UGT1A8: variants seen among roughly 807,000 people sequenced by gnomAD.
UGT1A8 encodes the protein UDP-glucuronosyltransferase 1A8.
UGT1A8 carries 39 observed loss-of-function variants against 45.3 expected under a neutral mutation model. That is an observed-to-expected ratio of 0.86 (90% CI 0.67 to 1.12). UGT1A8 has a LOEUF of 1.12. Among genes scored for constraint, UGT1A8 ranks in the 50% most tolerant of loss-of-function variants. The pLI, the probability that UGT1A8 is intolerant of heterozygous loss-of-function variation, is 0.00. For synonymous variants in UGT1A8, 275 were observed against 249.2 expected, an observed-to-expected ratio of 1.10 and a Z score of -0.97; for missense variants, 719 against 664.9, an observed-to-expected ratio of 1.08 and a Z score of -0.90.
chr2:233,747,103 T>A, intron 1 of UGT1A8: 1 of 1,362,910 alleles, frequency 7.3e-7, no homozygotes, highest in Non-Finnish European at 1.0e-6. Flanking sequence ...TATCTTCCAA[T>A]TACATGATGA....
At chr2:233,767,824 G>A (rs201092075) in intron 2 of UGT1A8, 25 bp from the exon 3 acceptor site, 82 of 1,614,024 alleles carry the variant, frequency 5.1e-5, no homozygotes, top group East Asian at 2.7e-4. Flanking sequence ...CTTTCTTTAC[G>A]TTCTGCTCTT....
At chr2:233,761,005 A>G (rs1292729265) in intron 1 of UGT1A8, 1 of 1,614,128 alleles carries the variant, frequency 6.2e-7, no homozygotes, top group South Asian at 1.1e-5. Context: ...ATTCCTTCAG[A>G]GAGAGGTGAC....
intron 1 of UGT1A8, chr2:233,744,001 A>C (rs2125858946): frequency 2.5e-6 from 3 of 1,207,932 alleles, no homozygotes; most frequent in Admixed American, 2.6e-5. Context: ...GAGTGCTCGG[A>C]GACCTGGGCC....
intron 1 of UGT1A8, among the ~76,000 whole-genome samples, chr2:233,670,313 AAGG>A (rs1470001555): frequency 6.6e-6 from 1 of 152,170 alleles, no homozygotes; most frequent in Non-Finnish European, 1.5e-5. Flanking sequence ...GTGGAGGAAG[AAGG>A]AGGAGAGACA....
intron 1 of UGT1A8, among the ~76,000 whole-genome samples, chr2:233,698,921 G>A (rs959017341): frequency 2.6e-5 from 4 of 152,334 alleles, no homozygotes; most frequent in East Asian, 3.9e-4. Flanking sequence ...GGACGTGGCC[G>A]TCTCAGAGGG....
intron 1 of UGT1A8, among the ~76,000 whole-genome samples, chr2:233,735,302 G>A (rs1400766071): frequency 6.6e-6 from 1 of 151,808 alleles, no homozygotes; most frequent in Non-Finnish European, 1.5e-5. Flanking sequence ...TTTTGTTAAA[G>A]TCTGTTTTAT....
intron 1 of UGT1A8, among the ~76,000 whole-genome samples, chr2:233,670,905 G>T (rs566727432): frequency 6.6e-6 from 1 of 152,282 alleles, no homozygotes; most frequent in South Asian, 2.1e-4. Context: ...TGTTCTTGCC[G>T]AGGCCTTCTT....
intron 1 of UGT1A8, chr2:233,722,130 G>A (rs1389703029): frequency 1.7e-5 from 3 of 173,394 alleles, no homozygotes; most frequent in African/African-American, 7.1e-5. Context: ...CATTAGTAGA[G>A]TTTAAGACTC....
At chr2:233,747,075 A>G in intron 1 of UGT1A8, 1 of 1,060,426 alleles carries the variant, frequency 9.4e-7, no homozygotes. Flanking sequence ...GTAATAATTA[A>G]CTAGGAGGAG....
intron 1 of UGT1A8, among the ~76,000 whole-genome samples, chr2:233,639,871 G>A (rs892890705): frequency 6.6e-6 from 1 of 152,210 alleles, no homozygotes; most frequent in African/African-American, 2.4e-5. Context: ...GATTAGTGAT[G>A]TGTAAATAAT....
In UGT1A8 at chr2:233,707,494, G is replaced by A. The variant is rs114941817; in HGVS notation, c.856-59540G>A. On this transcript the variant is annotated intron_variant, in intron 1 of 4. Coordinates refer to ENST00000373450, the MANE Select transcript of UGT1A8 (RefSeq NM_019076.5). The stretch of plus-strand genomic sequence containing the variant: ...TAATACAGATGATTTTACCTGTTTC[G>A]GTACTTAACATAAATAGAATTTTAC... 7.8e-3 allele frequency among the ~76,000 whole-genome samples: 1,157 copies of A among 148,098 alleles called. 11 individuals are homozygous for A. Among genetic ancestry groups the A allele is most frequent in the African/African-American group, 0.026 (1,051 of 40,534 alleles).
chr2:233,679,102 T>A (rs1253930017), intron 1 of UGT1A8, among the ~76,000 whole-genome samples: 1 of 152,226 alleles, frequency 6.6e-6, no homozygotes, highest in Non-Finnish European at 1.5e-5. Flanking sequence ...CTGTGTGTAA[T>A]GAGTTCTAAA....
chr2:233,643,336 C>T (rs963876545), intron 1 of UGT1A8, among the ~76,000 whole-genome samples: 2 of 152,126 alleles, frequency 1.3e-5, no homozygotes, highest in Admixed American at 1.3e-4. Flanking sequence ...GCCACTGCCA[C>T]CCCTGGCCAT....
intron 1 of UGT1A8, among the ~76,000 whole-genome samples, chr2:233,705,827 C>T (rs757797853): frequency 6.6e-6 from 1 of 152,164 alleles, no homozygotes; most frequent in Non-Finnish European, 1.5e-5. Flanking sequence ...AGGCCGAGCA[C>T]AGTGGCTGGA....
chr2:233,678,294 C>T (rs866342037), intron 1 of UGT1A8, among the ~76,000 whole-genome samples: 82 of 152,234 alleles, frequency 5.4e-4, no homozygotes, highest in African/African-American at 1.8e-3. Context: ...CACATGTACT[C>T]CTGAATCTAA....
intron 1 of UGT1A8, chr2:233,682,575 A>G (rs748487831): frequency 8.7e-6 from 14 of 1,613,882 alleles, no homozygotes; most frequent in Non-Finnish European, 1.1e-5. Context: ...CACATCATGC[A>G]CTTGGAGGAA....
chr2:233,690,406 A>T (rs1332144617), intron 1 of UGT1A8: 15 of 1,193,304 alleles, frequency 1.3e-5, no homozygotes, highest in South Asian at 1.3e-5. Flanking sequence ...TATTCCCAAC[A>T]TGAAATTACC....
chr2:233,636,089 GA>G (rs1370215222), intron 1 of UGT1A8, among the ~76,000 whole-genome samples: 1 of 150,998 alleles, frequency 6.6e-6, no homozygotes, highest in East Asian at 1.9e-4. Flanking sequence ...CCTGGAACAT[GA>G]GATGCCAATT....
At chr2:233,665,848 A>G (rs1033644054) in intron 1 of UGT1A8, among the ~76,000 whole-genome samples, 3 of 152,136 alleles carry the variant, frequency 2.0e-5, no homozygotes, top group Non-Finnish European at 2.9e-5. Flanking sequence ...TTACCTTTTT[A>G]AGAATTTGCC....
Sources: allele counts gnomAD v4.1 joint callset (sites outside exome capture counted in the v4.1 genomes callset), GRCh38; gene constraint gnomAD v4.1.1; transcripts MANE v1.5; gene names NCBI Gene and HGNC (gene_info 2026-07-23, HGNC 2026-07-21).